The following DCHS2 variants were observed in gnomAD, a reference collection of about 807,000 sequenced individuals.
The protein encoded by DCHS2 is dachsous cadherin-related 2.
DCHS2 carries 142 observed loss-of-function variants against 182.4 expected under a neutral mutation model. That is an observed-to-expected ratio of 0.78 (90% CI 0.68 to 0.89). The LOEUF is 0.89. Ranked by LOEUF, DCHS2 falls within the 40% of genes least tolerant of loss-of-function variation. The probability of loss-of-function intolerance (pLI) is 0.00; values close to 1 mark genes in which losing one functional copy is unlikely to be tolerated. For missense variants in DCHS2, 4,319 were observed against 4,198.6 expected, an observed-to-expected ratio of 1.03 and a Z score of -0.79; for synonymous variants, 1,740 against 1,663.3, an observed-to-expected ratio of 1.05 and a Z score of -1.12.
At chr4:154,292,199 C>G (rs1321506861) in intron 13 of DCHS2, among the ~76,000 whole-genome samples, 1 of 151,810 alleles carries the variant, frequency 6.6e-6, no homozygotes, top group Non-Finnish European at 1.5e-5. Flanking sequence ...TCACAAATAC[C>G]CAAACCTGTT....
intron 1 of DCHS2, among the ~76,000 whole-genome samples, chr4:154,465,226 G>A (rs1366000990): frequency 1.3e-5 from 2 of 152,154 alleles, no homozygotes; most frequent in Non-Finnish European, 2.9e-5. Context: ...TGGGTCTGAA[G>A]GAGCCACCTC....
chr4:154,484,788 T>C (rs1728516757), intron 1 of DCHS2, among the ~76,000 whole-genome samples: 1 of 152,226 alleles, frequency 6.6e-6, no homozygotes, highest in Non-Finnish European at 1.5e-5. Flanking sequence ...TAGTTGTTAC[T>C]AAAATCGATT....
Position 154,329,517 on chromosome 4 carries a change from A to T in DCHS2, c.3918+6T>A. On this transcript the variant is annotated splice_donor_region_variant and intron_variant, in intron 6 of 19. Transcript: ENST00000357232. ...TACAAATTCATTGCAAGGTTTCTTC[A>T]CAAACCTTCACGTGTAACTCCTTTC... 1.4e-5 allele frequency: 23 copies of T among 1,611,682 alleles called. No individual in the cohort carries two copies. Among genetic ancestry groups the T allele is most frequent in the Non-Finnish European group, 1.8e-5 (21 of 1,178,284 alleles).
chr4:154,326,036 AC>A (rs970728771), intron 7 of DCHS2, among the ~76,000 whole-genome samples: 1 of 152,242 alleles, frequency 6.6e-6, no homozygotes, highest in African/African-American at 2.4e-5. Flanking sequence ...TATTATGCAG[AC>A]AACTGAAACA....
In DCHS2 at chr4:154,305,159, G is replaced by T; in HGVS notation, c.5333C>A (p.Thr1778Asn). 1 of 1,612,826 alleles carries T rather than the reference G, an allele frequency of 6.2e-7. No individual in the cohort carries two copies. The highest frequency in any genetic ancestry group is 8.5e-7 in the Non-Finnish European group (1 of 1,179,468). The change falls in exon 11 of 20, where the codon ACT becomes AAT. Residue 1778 changes from threonine (T) to asparagine (N), a missense_variant. Physicochemically the swap from Thr to Asn is moderately conservative, Grantham distance 65. Transcript: ENST00000357232. ...SFELFEINSDTGEVVTTTILD... is the reference protein window; with the variant it reads ...SFELFEINSDNGEVVTTTILD... ...TATGGTGGTTGTCACTACCTCTCCA[G>T]TGTCAGAATTTATCTCGAATAATTC...
chr4:154,298,336 T>C lies in DCHS2; in HGVS notation c.5978A>G (p.Asn1993Ser). 6.2e-7 allele frequency: 1 copy of C among 1,614,166 alleles called. No homozygotes were observed. Among genetic ancestry groups the C allele is most frequent in the Non-Finnish European group, 8.5e-7 (1 of 1,180,012 alleles). The change falls in exon 13 of 20, where the codon AAC becomes AGC. Residue 1993 changes from asparagine (N) to serine (S), a missense_variant. Coordinates refer to ENST00000357232, the MANE Select transcript of DCHS2 (RefSeq NM_001358235.2). ...AGATCTGGCTTCACGGTCGAGGGTG[T>C]TGCTGGTTTTCAATGTGCCTGACAT... Reference protein sequence around the residue: ...DPMSGTLKTSNTLDREARSQH... With the variant: ...DPMSGTLKTSSTLDREARSQH...
intron 1 of DCHS2, among the ~76,000 whole-genome samples, chr4:154,468,879 T>G (rs935672295): frequency 3.3e-5 from 5 of 152,012 alleles, no homozygotes; most frequent in African/African-American, 1.2e-4. Flanking sequence ...CATGCTATTG[T>G]GAAGGCACTT....
chr4:154,419,890 T>C (rs1167451761), intron 1 of DCHS2, among the ~76,000 whole-genome samples: 18 of 147,786 alleles, frequency 1.2e-4, no homozygotes, highest in Admixed American at 1.0e-3. Context: ...GACTGTGGTG[T>C]GTAGGGGGAA....
At chr4:154,417,198 TGTGTGTGAGAGAGAGAGAGA>T (rs1317318318) in intron 1 of DCHS2, among the ~76,000 whole-genome samples, 18 of 65,328 alleles carry the variant, frequency 2.8e-4, no homozygotes, top group Non-Finnish European at 3.6e-4. Context: ...TGTGTGTGTG[TGTGTGTGAGAGAGAGAGAGA>T]GAGAGAGAGA....
chr4:154,271,397 T>C (rs1733584436), intron 13 of DCHS2, among the ~76,000 whole-genome samples: 1 of 151,932 alleles, frequency 6.6e-6, no homozygotes, highest in South Asian at 2.1e-4. Flanking sequence ...ACCAAGGGAG[T>C]GTGGCTGTGT....
chr4:154,370,084 A>G (rs1454741299), intron 2 of DCHS2, among the ~76,000 whole-genome samples: 1 of 152,130 alleles, frequency 6.6e-6, no homozygotes, highest in Admixed American at 6.5e-5. Flanking sequence ...TTTCTATGTC[A>G]ATGAACTCCA....
chr4:154,486,399 G>C (rs1432452255), intron 1 of DCHS2: 1 of 1,303,202 alleles, frequency 7.7e-7, no homozygotes, highest in African/African-American at 1.5e-5. Context: ...TGAAGTTAAA[G>C]GGTTTGTTTT....
intron 1 of DCHS2, among the ~76,000 whole-genome samples, chr4:154,456,732 A>C (rs1275050552): frequency 1.3e-5 from 2 of 152,198 alleles, no homozygotes; most frequent in Non-Finnish European, 2.9e-5. Flanking sequence ...CTATAAAATA[A>C]ACTTTGAGTC....
chr4:154,421,134 A>G (rs1396160758), intron 1 of DCHS2, among the ~76,000 whole-genome samples: 2 of 152,168 alleles, frequency 1.3e-5, no homozygotes, highest in African/African-American at 4.8e-5. Flanking sequence ...AGTGAAGAAG[A>G]CTCAAAATGC....
intron 16 of DCHS2, among the ~76,000 whole-genome samples, chr4:154,244,782 T>G (rs949777196): frequency 1.3e-5 from 2 of 152,224 alleles, no homozygotes; most frequent in Non-Finnish European, 2.9e-5. Flanking sequence ...AATCTCACAT[T>G]TCTGGAGCCT....
rs1048110965 is a variant in DCHS2, at chr4:154,232,802, A to T, written c.*1734T>A. ...AGGAAGAAAAGGAGAAACATCATAT[A>T]TCAGTCCCATAGTATTTAAATTTTC... On this transcript the variant is annotated 3_prime_UTR_variant, in exon 20 of 20. Transcript: ENST00000357232. The T allele has an allele frequency of 3.3e-5, 5 of 152,058 alleles. No individual in the cohort carries two copies. The highest frequency in any genetic ancestry group is 1.2e-4 in the African/African-American group (5 of 41,426). 9.4% of individuals were successfully genotyped at this position (152,058 alleles called of 1,614,324 possible). A position where few individuals can be genotyped will look rare whatever the true frequency, so the allele number is the denominator to read the frequency against.
chr4:154,392,659 A>C (rs1287227283), intron 1 of DCHS2, among the ~76,000 whole-genome samples: 5 of 152,218 alleles, frequency 3.3e-5, no homozygotes, highest in Non-Finnish European at 5.9e-5. Context: ...AAAACCATGC[A>C]CATAGATCTA....
intron 2 of DCHS2, among the ~76,000 whole-genome samples, chr4:154,375,730 G>A (rs1415184237): frequency 6.6e-6 from 1 of 152,004 alleles, no homozygotes; most frequent in Non-Finnish European, 1.5e-5. Flanking sequence ...TCACTGGTGG[G>A]AGCGCAATTC....
chr4:154,351,199 T>C (rs1367699084), intron 3 of DCHS2, among the ~76,000 whole-genome samples: 2 of 152,148 alleles, frequency 1.3e-5, no homozygotes, highest in African/African-American at 4.8e-5. Flanking sequence ...GGAAAAGCTT[T>C]TAAGTGACTC....
Sources: allele counts gnomAD v4.1 joint callset (sites outside exome capture counted in the v4.1 genomes callset), GRCh38; gene constraint gnomAD v4.1.1; transcripts MANE v1.5; gene names NCBI Gene and HGNC (gene_info 2026-07-23, HGNC 2026-07-21).